The following ZNF443 variants were observed in gnomAD, a reference collection of about 807,000 sequenced individuals.
The protein encoded by ZNF443 is zinc finger protein 443, also known as Kruppel-type zinc finger (C2H2).
ZNF443 carries 3 observed loss-of-function variants against 12.0 expected under a neutral mutation model. That is an observed-to-expected ratio of 0.25 (90% CI 0.11 to 0.64). The LOEUF is 0.64. Ranked by LOEUF, ZNF443 falls within the 30% of genes least tolerant of loss-of-function variation. The probability of loss-of-function intolerance (pLI) is 0.84; values close to 1 mark genes in which losing one functional copy is unlikely to be tolerated. For synonymous variants in ZNF443, 225 were observed against 265.9 expected, an observed-to-expected ratio of 0.85 and a Z score of 1.50; for missense variants, 770 against 808.8, an observed-to-expected ratio of 0.95 and a Z score of 0.58.
chr19:12,431,779 A>G lies in ZNF443; in HGVS notation c.393T>C (p.His131=), dbSNP rs1330400878. The G allele has an allele frequency of 6.2e-6, 10 of 1,614,038 alleles. No individual in the cohort carries two copies. In the African/African-American group the frequency reaches 1.1e-4, roughly 17 times the overall value. ...YIRVGAGHKP[H]EYHECGEKPD... is the part of the protein sequence containing the mutation. The stretch of plus-strand genomic sequence containing the variant: ...GCTTCTCTCCACATTCATGATACTC[A>G]TGTGGTTTGTGCCCAGCACCAACTC... Residue 131 remains histidine, a synonymous_variant, in exon 4 of 4, where the codon CAT becomes CAC. Transcript: ENST00000301547.
chr19:12,431,843 T>A lies in ZNF443; in HGVS notation c.329A>T (p.Glu110Val), dbSNP rs771443175. ...AAGGGATGAATGACCCATGACTTTT[T>A]CTCCTCTCATACTGCTTTCACAAGG... is the stretch of plus-strand genomic sequence containing the variant. ...VGPCESSMRG[E>V]KVMGHSSLNC... Residue 110 changes from glutamate to valine, a missense_variant, in exon 4 of 4, where the codon GAA becomes GTA. This residue lies in a region of ZNF443 where 736 missense variants were observed against 689.4 expected (regional missense o/e 1.07). Coordinates refer to ENST00000301547, the MANE Select transcript of ZNF443 (RefSeq NM_005815.5). The A allele has an allele frequency of 6.2e-7, 1 of 1,614,130 alleles. No homozygotes were observed. The highest frequency in any genetic ancestry group is 1.1e-5 in the South Asian group (1 of 91,076).
chr19:12,431,331 A>T lies in ZNF443; in HGVS notation c.841T>A (p.Tyr281Asn), dbSNP rs773704650. The T allele has an allele frequency of 6.2e-7, 1 of 1,614,114 alleles. No individual in the cohort carries two copies. Among genetic ancestry groups the T allele is most frequent in the Admixed American group, 1.7e-5 (1 of 60,020 alleles). ...HERTHTGEKP[Y>N]KCKQCSKAFP... ...GCTTTAGAACACTGCTTACATTTAT[A>T]TGGTTTCTCCCCAGTATGTGTTCTT... Residue 281 changes from tyrosine to asparagine, a missense_variant, in exon 4 of 4, where the codon TAT (tyrosine) becomes AAT (asparagine). Tyr to Asn is a moderately radical substitution (Grantham distance 143). Around this residue, in one of 3 missense-constraint regions of ZNF443, gnomAD observed 736 missense variants for 689.4 expected, o/e 1.07. Coordinates refer to ENST00000301547, the MANE Select transcript of ZNF443 (RefSeq NM_005815.5).
chr19:12,439,071 C>G (rs189857775), intron 1 of ZNF443, among the ~76,000 whole-genome samples: 1 of 152,016 alleles, frequency 6.6e-6, no homozygotes, highest in African/African-American at 2.4e-5. Context: ...CTATTCTGTT[C>G]GCCACCCTCC....
chr19:12,440,901 A>G lies in ZNF443; in HGVS notation c.3+11T>C. The G allele has an allele frequency of 4.3e-6, 7 of 1,613,832 alleles. No individual in the cohort carries two copies. Among genetic ancestry groups the G allele is most frequent in the Non-Finnish European group, 5.1e-6 (6 of 1,179,962 alleles). ...CTCCCCCGCCTCGGGACGCCGGCCC[A>G]GCACACGCACCATTTCCCGACTTCC... On this transcript the variant is annotated intron_variant, in intron 1 of 3. Coordinates refer to ENST00000301547, the MANE Select transcript of ZNF443 (RefSeq NM_005815.5).
Position 12,437,217 on chromosome 19 carries a change from T to C in ZNF443, c.3+3695A>G, listed in dbSNP as rs533661633. Among the ~76,000 whole-genome samples the C allele has an allele frequency of 2.6e-5, 4 of 151,500 alleles. No individual in the cohort carries two copies. The South Asian group carries it at 8.4e-4, about 32-fold the overall frequency. On this transcript the variant is annotated intron_variant, in intron 1 of 3. Transcript: ENST00000301547. ...CACACTCAGCAACACAATGAGACTG[T>C]CTCTACGAAACGTGTAAAAAATTAA...
In ZNF443 at chr19:12,430,794, T is replaced by TA. The variant is rs1353476585; in HGVS notation, c.1377dup (p.Ile460TyrfsTer9). On this transcript the variant is annotated frameshift_variant, in exon 4 of 4. Coordinates refer to ENST00000301547, the MANE Select transcript of ZNF443 (RefSeq NM_005815.5). LOFTEE classifies it low-confidence loss of function (END_TRUNC). ...TCATGCCTTCGAAGGGAACTGGAAA[T>TA]ACGGTAGGCTTTGCCACATTGTTTA... The TA allele has an allele frequency of 6.2e-7, 1 of 1,613,942 alleles. No individual in the cohort carries two copies. The highest frequency in any genetic ancestry group is 2.2e-5 in the East Asian group (1 of 44,870).
chr19:12,432,741 T>C (rs915662112), intron 2 of ZNF443, among the ~76,000 whole-genome samples: 2 of 146,516 alleles, frequency 1.4e-5, no homozygotes, highest in Non-Finnish European at 1.5e-5. Flanking sequence ...GTAAATATAG[T>C]TTCTCTTCCT....
chr19:12,437,370 T>G (rs916831840), intron 1 of ZNF443, among the ~76,000 whole-genome samples: 45 of 150,120 alleles, frequency 3.0e-4, no homozygotes, highest in African/African-American at 1.1e-3. Context: ...ATTGCTCCAC[T>G]GCACTCTAGC....
In ZNF443 at chr19:12,430,384, G is replaced by C; in HGVS notation, c.1788C>G (p.Ala596=). The C allele has an allele frequency of 6.4e-7, 1 of 1,573,394 alleles. No homozygotes were observed. The highest frequency in any genetic ancestry group is 8.6e-7 in the Non-Finnish European group (1 of 1,158,984). ...KSYECPQCGK[A]FTHSRFLQGH... The stretch of plus-strand genomic sequence containing the variant: ...CTTGAAGAAAACGGGAATGAGTGAA[G>C]GCTTTACCACATTGTGGACATTCAT... Residue 596 remains alanine, a synonymous_variant, in exon 4 of 4, where the codon GCC becomes GCG. Coordinates refer to ENST00000301547, the MANE Select transcript of ZNF443 (RefSeq NM_005815.5).
chr19:12,434,174 C>T (rs1422238020), intron 1 of ZNF443, among the ~76,000 whole-genome samples: 1 of 152,142 alleles, frequency 6.6e-6, no homozygotes, highest in Non-Finnish European at 1.5e-5. Flanking sequence ...TTATGAATTA[C>T]AAGAAACAGG....
intron 1 of ZNF443, among the ~76,000 whole-genome samples, chr19:12,439,912 A>G (rs1970347353): frequency 6.6e-6 from 1 of 151,994 alleles, no homozygotes; most frequent in Admixed American, 6.5e-5. Context: ...TAAGGACAGA[A>G]GGTTAGCCTG....
chr19:12,434,057 A>T (rs548011820), intron 1 of ZNF443, among the ~76,000 whole-genome samples: 1 of 152,314 alleles, frequency 6.6e-6, no homozygotes, highest in South Asian at 2.1e-4. Context: ...CCCATCAGCA[A>T]GAAGGTTTCT....
At chr19:12,435,445 G>C (rs1000358992) in intron 1 of ZNF443, among the ~76,000 whole-genome samples, 5 of 152,176 alleles carry the variant, frequency 3.3e-5, no homozygotes, top group Admixed American at 1.3e-4. Context: ...AAGAGCTGAA[G>C]AGAAAATGTC....
At position 12,434,947 on chromosome 19, in the gene ZNF443, C is replaced by T. The variant is rs181398164; in HGVS notation, c.4-1750G>A. ...CACTATCCAAAGGTCTGAAACAAGG[C>T]TGCTTTTTTTTTTTTTTTTTTTTTG... On this transcript the variant is annotated intron_variant, in intron 1 of 3. Coordinates refer to ENST00000301547, the MANE Select transcript of ZNF443 (RefSeq NM_005815.5). 6.3e-5 allele frequency among the ~76,000 whole-genome samples: 8 copies of T among 127,630 alleles called. No homozygotes were observed. In the East Asian group the frequency reaches 1.5e-3, roughly 24 times the overall value. The allele number at this position is 127,630 out of a possible 152,430, so 83.7% of individuals were successfully genotyped here. A position where few individuals can be genotyped will look rare whatever the true frequency, so the allele number is the denominator to read the frequency against.
chr19:12,431,415 A>G lies in ZNF443; in HGVS notation c.757T>C (p.Tyr253His), dbSNP rs763985606. The change falls in exon 4 of 4, where the codon TAT becomes CAT. Residue 253 changes from tyrosine (Y) to histidine (H), a missense_variant. Around this residue, in one of 3 missense-constraint regions of ZNF443, gnomAD observed 736 missense variants for 689.4 expected, o/e 1.07. Transcript: ENST00000301547. ...HERTHTGEKP[Y>H]ECKQCSKAFP... ...GCTTTAGAACACTGTTTACATTCAT[A>G]CGGTTTCTCCCCAGTATGTGTTCTT... The G allele has an allele frequency of 1.2e-6, 2 of 1,614,142 alleles. No homozygotes were observed. Among genetic ancestry groups the G allele is most frequent in the Non-Finnish European group, 1.7e-6 (2 of 1,179,990 alleles).
chr19:12,431,350 T>C lies in ZNF443; in HGVS notation c.822A>G (p.Thr274=), dbSNP rs753552514. ...ATTTATATGGTTTCTCCCCAGTATG[T>C]GTTCTTTCATGTCTTAGATAGGAAC... ...FYSSYLRHER[T]HTGEKPYKCK... is the part of the protein sequence containing the mutation. The change falls in exon 4 of 4, where the codon ACA becomes ACG. Residue 274 remains threonine, a synonymous_variant. Coordinates refer to ENST00000301547, the MANE Select transcript of ZNF443 (RefSeq NM_005815.5). The C allele has an allele frequency of 5.0e-6, 8 of 1,613,970 alleles. No individual in the cohort carries two copies. Among genetic ancestry groups the C allele is most frequent in the Non-Finnish European group, 6.8e-6 (8 of 1,179,916 alleles).
chr19:12,438,460 T>C (rs1430961128), intron 1 of ZNF443, among the ~76,000 whole-genome samples: 1 of 152,252 alleles, frequency 6.6e-6, no homozygotes, highest in Non-Finnish European at 1.5e-5. Flanking sequence ...TTAGCATTCA[T>C]CTGTCAGATA....
Position 12,430,885 on chromosome 19 carries a change from G to T in ZNF443, c.1287C>A (p.Ala429=). Residue 429 remains alanine (A), a synonymous_variant, in exon 4 of 4, where the codon GCC becomes GCA. Transcript: ENST00000301547. ...GPHKCKVCGK[A]FVYPSVFQRH... is the part of the protein sequence containing the mutation. ...TTTGAAATACACTGGGATAAACAAAGGCTTTCCCACATACCTTGCATTTAT... is the reference window on the plus strand; with the variant it reads ...TTTGAAATACACTGGGATAAACAAATGCTTTCCCACATACCTTGCATTTAT... 1 of 1,614,000 alleles carries T rather than the reference G, an allele frequency of 6.2e-7. No individual in the cohort carries two copies. The highest frequency in any genetic ancestry group is 8.5e-7 in the Non-Finnish European group (1 of 1,179,958).
rs1970360194 is a variant in ZNF443 at position 12,441,002 on chromosome 19, C to G, written c.-88G>C. ...CCAGACAAAGGCTGCCTCAGAACTT[C>G]CAGGTCGTCTCTCAGCTACAGAACC... On this transcript the variant is annotated 5_prime_UTR_variant, in exon 1 of 4. Transcript: ENST00000301547. 6.2e-7 allele frequency: 1 copy of G among 1,609,594 alleles called. No homozygotes were observed. The highest frequency in any genetic ancestry group is 1.7e-4 in the Middle Eastern group (1 of 6,036).
Sources: allele counts gnomAD v4.1 joint callset (sites outside exome capture counted in the v4.1 genomes callset), GRCh38; gene constraint gnomAD v4.1.1; regional missense constraint gnomAD v4.1.1; transcripts MANE v1.5; gene names NCBI Gene and HGNC (gene_info 2026-07-23, HGNC 2026-07-21).